The following DNAAF11 variants were observed in gnomAD, a reference collection of about 807,000 sequenced individuals.
DNAAF11 encodes the protein leucine rich repeat containing 6.
A neutral mutation model predicts 60.8 loss-of-function variants in DNAAF11; 45 were observed. The ratio of observed to expected loss-of-function variants is 0.74; its 90% CI spans 0.58 to 0.95. The LOEUF is 0.95. DNAAF11 is among the 40% of genes least tolerant of loss of function. The pLI, the probability that DNAAF11 is intolerant of heterozygous loss-of-function variation, is 0.00. For missense variants in DNAAF11, 546 were observed against 546.2 expected (o/e 1.00, Z 0.00); for synonymous variants, 191 against 183.5 (o/e 1.04, Z -0.33).
At chr8:132,624,861 A>G (rs1211371738) in intron 6 of DNAAF11, among the ~76,000 whole-genome samples, 1 of 152,200 alleles carries the variant, frequency 6.6e-6, no homozygotes, top group Non-Finnish European at 1.5e-5. Flanking sequence ...TATTAGGAAA[A>G]TAAAATGTCT....
At chr8:132,632,047 A>G (rs1215499456) in intron 5 of DNAAF11, among the ~76,000 whole-genome samples, 1 of 152,088 alleles carries the variant, frequency 6.6e-6, no homozygotes, top group Non-Finnish European at 1.5e-5. Context: ...AAAGATCCAA[A>G]GCAAACATAC....
intron 3 of DNAAF11, chr8:132,643,510 A>T (rs1822061015): frequency 2.6e-6 from 1 of 392,108 alleles, no homozygotes; most frequent in South Asian, 1.9e-5. Context: ...CTCCCAACAC[A>T]GTTAATTCAA....
At chr8:132,606,786 G>A (rs1274874389) in intron 10 of DNAAF11, among the ~76,000 whole-genome samples, 1 of 152,202 alleles carries the variant, frequency 6.6e-6, no homozygotes, top group African/African-American at 2.4e-5. Flanking sequence ...TTACAGGCAT[G>A]AGCCATTGCA....
intron 11 of DNAAF11, among the ~76,000 whole-genome samples, chr8:132,579,393 T>C (rs970812574): frequency 1.3e-5 from 2 of 152,048 alleles, no homozygotes; most frequent in East Asian, 1.9e-4. Flanking sequence ...GGGAAGGAGA[T>C]GGCATCTCTT....
At chr8:132,613,806 G>A (rs1024564998) in intron 8 of DNAAF11, among the ~76,000 whole-genome samples, 1 of 151,960 alleles carries the variant, frequency 6.6e-6, no homozygotes, top group Non-Finnish European at 1.5e-5. Flanking sequence ...CCCCCTCTTG[G>A]GTAATAATCC....
rs896511302 is a variant in DNAAF11, at chr8:132,625,443, T to G, written c.665A>C (p.Glu222Ala). Reference protein sequence around the residue: ...TDINATLSSLESKDHLQAPDT... With the variant: ...TDINATLSSLASKDHLQAPDT... ...TGGTGCCTGTAGGTGGTCTTTGCTC[T>G]CTAAAGAGGAACTAGGAAAAACAAA... is the stretch of plus-strand genomic sequence containing the variant. The change falls in exon 6 of 12, where the codon GAG (glutamate) becomes GCG (alanine). Residue 222 changes from glutamate (E) to alanine (A), a missense_variant. Physicochemically the swap from Glu to Ala is moderately radical, Grantham distance 107. Coordinates refer to ENST00000620350, the MANE Select transcript of DNAAF11 (RefSeq NM_012472.6). 6.2e-6 allele frequency: 10 copies of G among 1,603,524 alleles called. No homozygotes were observed. Among genetic ancestry groups the G allele is most frequent in the Non-Finnish European group, 8.5e-6 (10 of 1,176,614 alleles).
intron 5 of DNAAF11, among the ~76,000 whole-genome samples, chr8:132,627,152 A>G (rs1820359661): frequency 1.3e-5 from 2 of 152,348 alleles, no homozygotes; most frequent in South Asian, 4.1e-4. Context: ...GGGTATCTAT[A>G]ATATTCTACA....
At chr8:132,686,318 G>A in the DNAAF11 span, among the ~76,000 whole-genome samples, 972 of 152,268 alleles carry the variant, frequency 6.4e-3, 16 homozygotes, top group African/African-American at 0.022. Context: ...CCAACATGGT[G>A]AGGCAGGGGA....
chr8:132,687,831 G>T, the DNAAF11 span, among the ~76,000 whole-genome samples: 2 of 152,154 alleles, frequency 1.3e-5, no homozygotes, highest in East Asian at 1.9e-4. Flanking sequence ...TTACCACAGA[G>T]CCCATTACAC....
chr8:132,689,746 C>A, the DNAAF11 span, among the ~76,000 whole-genome samples: 2 of 151,464 alleles, frequency 1.3e-5, no homozygotes, highest in African/African-American at 4.9e-5. Flanking sequence ...GAGAGAGAGA[C>A]AGTGTCTCAC....
intron 7 of DNAAF11, 40 bp from the exon 8 acceptor site, chr8:132,615,137 T>C (rs1228297564): frequency 8.2e-7 from 1 of 1,213,158 alleles, no homozygotes; most frequent in Non-Finnish European, 1.2e-6. Flanking sequence ...GAGATGTCTT[T>C]AGGATACTGT....
rs1009259359 is a variant in DNAAF11 at position 132,571,032 on chromosome 8, T to C, written c.*1274A>G. On this transcript the variant is annotated 3_prime_UTR_variant, in exon 12 of 12. Coordinates refer to ENST00000620350, the MANE Select transcript of DNAAF11 (RefSeq NM_012472.6). ...CAGCTCTTCCCACATTTGTGCCCAA[T>C]TGCATTCCTATAACCAGTCCCTCAT... Among the ~76,000 whole-genome samples the C allele has an allele frequency of 1.3e-5, 2 of 152,200 alleles. No homozygotes were observed. The highest frequency in any genetic ancestry group is 2.9e-5 in the Non-Finnish European group (2 of 68,028).
intron 10 of DNAAF11, among the ~76,000 whole-genome samples, chr8:132,591,734 C>T (rs955269708): frequency 6.6e-6 from 1 of 151,894 alleles, no homozygotes; most frequent in Non-Finnish European, 1.5e-5. Flanking sequence ...AAGCCCTCAA[C>T]AATTATTTGT....
chr8:132,651,087 TGTTCTGTGGA>T (rs1822966637), intron 3 of DNAAF11, among the ~76,000 whole-genome samples: 1 of 152,174 alleles, frequency 6.6e-6, no homozygotes, highest in South Asian at 2.1e-4. Context: ...CTCTATCTCC[TGTTCTGTGGA>T]GATCCAGCTC....
intron 3 of DNAAF11, among the ~76,000 whole-genome samples, chr8:132,652,094 A>G (rs796320756): frequency 2.6e-5 from 4 of 152,364 alleles, no homozygotes; most frequent in African/African-American, 9.6e-5. Flanking sequence ...CCATGACCTA[A>G]GTAAAGTCCT....
chr8:132,654,035 A>G (rs1823288801), intron 3 of DNAAF11, among the ~76,000 whole-genome samples: 1 of 152,088 alleles, frequency 6.6e-6, no homozygotes, highest in African/African-American at 2.4e-5. Flanking sequence ...TTTTAGATTC[A>G]AAGATAGAAA....
intron 1 of DNAAF11, among the ~76,000 whole-genome samples, chr8:132,666,298 T>C (rs1287472231): frequency 6.6e-6 from 1 of 152,162 alleles, no homozygotes; most frequent in Non-Finnish European, 1.5e-5. Flanking sequence ...TATTGAAAGT[T>C]TCCAACACAA....
the DNAAF11 span, among the ~76,000 whole-genome samples, chr8:132,680,634 A>G: frequency 6.6e-6 from 1 of 152,164 alleles, no homozygotes; most frequent in Non-Finnish European, 1.5e-5. Flanking sequence ...CAAGTTTACC[A>G]GCACGACTAC....
intron 1 of DNAAF11, among the ~76,000 whole-genome samples, chr8:132,674,022 AAGGAGCAGG>A (rs1301174663): frequency 6.9e-6 from 1 of 144,304 alleles, no homozygotes; most frequent in Non-Finnish European, 1.5e-5. Context: ...GAAGGAGGAG[AAGGAGCAGG>A]AGGAGCAGGA....
Sources: allele counts gnomAD v4.1 joint callset (sites outside exome capture counted in the v4.1 genomes callset), GRCh38; gene constraint gnomAD v4.1.1; transcripts MANE v1.5; gene names NCBI Gene and HGNC (gene_info 2026-07-23, HGNC 2026-07-21).